GNG2: variants seen among roughly 807,000 people sequenced by gnomAD.
GNG2 encodes G protein subunit gamma 2, also known as guanine nucleotide-binding protein G(I)/G(S)/G(O) subunit gamma-2.
GNG2 carries 5 observed loss-of-function variants against 5.5 expected under a neutral mutation model. That is an observed-to-expected ratio of 0.91 (90% CI 0.48 to 1.92). GNG2 has a LOEUF of 1.92. Ranked by LOEUF, GNG2 falls within the 30% of genes most tolerant of loss-of-function variation. The pLI, the probability that GNG2 is intolerant of heterozygous loss-of-function variation, is 0.01. For missense variants in GNG2, 55 were observed against 88.4 expected (o/e 0.62, Z 1.52); for synonymous variants, 28 against 32.0 (o/e 0.88, Z 0.42).
intron 2 of GNG2, among the ~76,000 whole-genome samples, chr14:51,886,712 T>C (rs1884482129): frequency 6.6e-6 from 1 of 152,184 alleles, no homozygotes; most frequent in Non-Finnish European, 1.5e-5. Context: ...CAGATTATAA[T>C]GATCCTGCAG....
At chr14:51,830,336 C>T (rs972205275) in intron 2 of GNG2, among the ~76,000 whole-genome samples, 5 of 152,056 alleles carry the variant, frequency 3.3e-5, no homozygotes, top group African/African-American at 1.2e-4. Flanking sequence ...TTATTGAGCT[C>T]ATCTCCTCTC....
At position 51,840,288 on chromosome 14, in the gene GNG2, T is replaced by C. The variant is rs546412053; in HGVS notation, c.64+12481T>C. On this transcript the variant is annotated intron_variant, in intron 2 of 3. Coordinates refer to the GNG2 transcript ENST00000553432. ...CTTATTTTATCATTAAGAAGCTTTATGTTCCTGTACAGTGTCTGTTGCATC... is the reference window on the plus strand; with the variant it reads ...CTTATTTTATCATTAAGAAGCTTTACGTTCCTGTACAGTGTCTGTTGCATC... 2.6e-5 allele frequency among the ~76,000 whole-genome samples: 4 copies of C among 152,364 alleles called. 1 individual carries two copies. The highest frequency in any genetic ancestry group is 9.6e-5 in the African/African-American group (4 of 41,588).
At chr14:51,907,861 G>T (rs1053758854) in intron 2 of GNG2, among the ~76,000 whole-genome samples, 1 of 152,150 alleles carries the variant, frequency 6.6e-6, no homozygotes, top group Non-Finnish European at 1.5e-5. Context: ...ATTTAGGTTG[G>T]TATAAAGACA....
chr14:51,840,763 T>C (rs890942016), intron 2 of GNG2, among the ~76,000 whole-genome samples: 1 of 152,226 alleles, frequency 6.6e-6, no homozygotes, highest in Non-Finnish European at 1.5e-5. Flanking sequence ...TGTAAATGAC[T>C]GCCTTTTAGC....
At chr14:51,885,124 G>A (rs1357066732) in intron 2 of GNG2, among the ~76,000 whole-genome samples, 1 of 152,180 alleles carries the variant, frequency 6.6e-6, no homozygotes, top group South Asian at 2.1e-4. Context: ...ACATTCCCAT[G>A]TTTTGCCCAA....
At chr14:51,933,574 T>C (rs1371026978) in intron 2 of GNG2, among the ~76,000 whole-genome samples, 3 of 152,016 alleles carry the variant, frequency 2.0e-5, no homozygotes, top group African/African-American at 7.3e-5. Context: ...TTTAGTAAGG[T>C]GGAGACAAAA....
chr14:51,961,060 C>T (rs1175506672), intron 3 of GNG2, among the ~76,000 whole-genome samples: 2 of 152,126 alleles, frequency 1.3e-5, no homozygotes, highest in Non-Finnish European at 2.9e-5. Context: ...GTACTCCCTC[C>T]CTGTGCAGTG....
At chr14:51,883,023 G>GAAAAAAAAAAAAA (rs777193660) in intron 2 of GNG2, among the ~76,000 whole-genome samples, 1 of 127,226 alleles carries the variant, frequency 7.9e-6, no homozygotes, top group Non-Finnish European at 1.7e-5. Flanking sequence ...AAAAAAAAAA[G>GAAAAAAAAAAAAA]AAAAAAAAAA....
chr14:51,945,877 C>T (rs1219420290), intron 2 of GNG2, among the ~76,000 whole-genome samples: 2 of 150,296 alleles, frequency 1.3e-5, no homozygotes, highest in Non-Finnish European at 3.0e-5. Context: ...AATGGGTTTT[C>T]TCCTCTTCCT....
At chr14:51,958,497 A>C (rs949675709) in intron 3 of GNG2, among the ~76,000 whole-genome samples, 1 of 146,702 alleles carries the variant, frequency 6.8e-6, no homozygotes, top group Admixed American at 7.0e-5. Context: ...TGTAACCATA[A>C]GTTCTCACTG....
At chr14:51,835,389 C>A (rs61970748) in intron 2 of GNG2, among the ~76,000 whole-genome samples, 2,192 of 152,340 alleles carry the variant, frequency 0.014, 19 homozygotes, top group Non-Finnish European at 0.022. Context: ...GACCTCAGTT[C>A]TCCCAGCTGT....
intron 2 of GNG2, among the ~76,000 whole-genome samples, chr14:51,890,306 G>A (rs903147314): frequency 3.0e-4 from 45 of 152,188 alleles, no homozygotes; most frequent in African/African-American, 1.0e-3. Context: ...CTGAGTACAC[G>A]AGATTTGTGG....
intron 2 of GNG2, among the ~76,000 whole-genome samples, chr14:51,889,644 G>A (rs1315427903): frequency 2.0e-5 from 3 of 152,088 alleles, no homozygotes; most frequent in Non-Finnish European, 4.4e-5. Context: ...TTTGCTAAAG[G>A]GAAAACTTAA....
intron 2 of GNG2, among the ~76,000 whole-genome samples, chr14:51,832,367 G>A (rs969571483): frequency 1.3e-5 from 2 of 152,024 alleles, no homozygotes; most frequent in African/African-American, 4.8e-5. Flanking sequence ...TATATAGTCA[G>A]TGAAAGCAAA....
chr14:51,851,357 A>G (rs1389906069), intron 2 of GNG2, among the ~76,000 whole-genome samples: 1 of 152,270 alleles, frequency 6.6e-6, no homozygotes, highest in Non-Finnish European at 1.5e-5. Flanking sequence ...TGCACTTCGT[A>G]TCACCATCAG....
chr14:51,904,778 G>A (rs928432438), intron 2 of GNG2, among the ~76,000 whole-genome samples: 2 of 152,112 alleles, frequency 1.3e-5, no homozygotes, highest in Non-Finnish European at 2.9e-5. Flanking sequence ...TTGAGTTTTC[G>A]GTGTCATATT....
At chr14:51,956,642 G>A (rs1428096792) in intron 3 of GNG2, among the ~76,000 whole-genome samples, 1 of 152,118 alleles carries the variant, frequency 6.6e-6, no homozygotes, top group East Asian at 1.9e-4. Flanking sequence ...TTAAAGTTAA[G>A]TCAACCTTAG....
intron 2 of GNG2, among the ~76,000 whole-genome samples, chr14:51,912,214 G>A (rs570007286): frequency 8.6e-4 from 131 of 152,234 alleles, no homozygotes; most frequent in Middle Eastern, 3.4e-3. Context: ...ATAAATGTTA[G>A]CTTTCATTAT....
chr14:51,907,325 A>G lies in GNG2; in HGVS notation c.-30+29668A>G, dbSNP rs138337202. ...AATACATGTACAAACCATTTTAAACAGAAAATAAATCATCCTACAACTATT... is the reference window on the plus strand; with the variant it reads ...AATACATGTACAAACCATTTTAAACGGAAAATAAATCATCCTACAACTATT... On this transcript the variant is annotated intron_variant, in intron 2 of 3. Coordinates refer to ENST00000556766, the MANE Select transcript of GNG2 (RefSeq NM_053064.5). 2.0e-4 allele frequency among the ~76,000 whole-genome samples: 30 copies of G among 152,348 alleles called. No homozygotes were observed. The East Asian group carries it at 3.5e-3, about 18-fold the overall frequency.
Sources: allele counts gnomAD v4.1 joint callset (sites outside exome capture counted in the v4.1 genomes callset), GRCh38; gene constraint gnomAD v4.1.1; transcripts MANE v1.5; gene names NCBI Gene and HGNC (gene_info 2026-07-23, HGNC 2026-07-21).